Variants in CLMN observed in about 807,000 individuals in gnomAD.
CLMN encodes the protein calmin.
CLMN carries 57 observed loss-of-function variants against 92.7 expected under a neutral mutation model. The observed-to-expected ratio is 0.61, with a 90% CI of 0.50 to 0.77. CLMN has a LOEUF of 0.77. Among genes scored for constraint, CLMN ranks in the 30% least tolerant of loss-of-function variants. CLMN has a pLI of 0.00. For synonymous variants in CLMN, 466 were observed against 470.6 expected (o/e 0.99, Z 0.13); for missense variants, 1,158 against 1,237.5 (o/e 0.94, Z 0.96).
chr14:95,231,577 C>T (rs1451129318), intron 1 of CLMN, among the ~76,000 whole-genome samples: 1 of 152,172 alleles, frequency 6.6e-6, no homozygotes, highest in Non-Finnish European at 1.5e-5. Context: ...CAAAACTGGT[C>T]CCTGGTGCCA....
At chr14:95,292,434 A>ACCCCCT (rs1266313814) in intron 1 of CLMN, among the ~76,000 whole-genome samples, 1 of 50,454 alleles carries the variant, frequency 2.0e-5, no homozygotes, top group African/African-American at 7.4e-5. Context: ...AGGGTCCCCC[A>ACCCCCT]CCCCCACCCC....
At chr14:95,303,835 A>G (rs571019610) in intron 1 of CLMN, among the ~76,000 whole-genome samples, 1 of 152,340 alleles carries the variant, frequency 6.6e-6, no homozygotes, top group East Asian at 1.9e-4. Context: ...TTTCTCAGAG[A>G]TGAGGACGGA....
At chr14:95,302,008 C>T (rs544359173) in intron 1 of CLMN, among the ~76,000 whole-genome samples, 13 of 152,290 alleles carry the variant, frequency 8.5e-5, no homozygotes, top group Middle Eastern at 3.4e-3. Flanking sequence ...GAGCTATGGT[C>T]GTGCCATGAA....
intron 1 of CLMN, among the ~76,000 whole-genome samples, chr14:95,292,013 A>T (rs1328612541): frequency 2.0e-5 from 3 of 152,264 alleles, no homozygotes; most frequent in South Asian, 4.1e-4. Flanking sequence ...CACTGTGCCA[A>T]GGGTTGACGT....
chr14:95,317,538 G>T lies in CLMN; in HGVS notation c.82+2173C>A, dbSNP rs375933289. Among the ~76,000 whole-genome samples, 17 of 150,708 alleles carry T rather than the reference G, an allele frequency of 1.1e-4. No homozygotes were observed. The East Asian group carries it at 3.3e-3, about 30-fold the overall frequency. ...CATCCATACCATGGAATAGTACTCAGCAAGAAAGGAAGTCCAGATACAGGC... is the reference window on the plus strand; with the variant it reads ...CATCCATACCATGGAATAGTACTCATCAAGAAAGGAAGTCCAGATACAGGC... On this transcript the variant is annotated intron_variant, in intron 1 of 12. Transcript: ENST00000298912.
chr14:95,206,000 A>C (rs1002162834), intron 8 of CLMN, among the ~76,000 whole-genome samples: 6 of 152,228 alleles, frequency 3.9e-5, no homozygotes, highest in African/African-American at 1.2e-4. Flanking sequence ...TAAATGACAG[A>C]GTTTGTCAGA....
intron 1 of CLMN, among the ~76,000 whole-genome samples, chr14:95,277,569 T>C (rs546965213): frequency 1.1e-4 from 16 of 152,360 alleles, no homozygotes; most frequent in Admixed American, 9.8e-4. Flanking sequence ...GGGAGGTCAA[T>C]GGAGACTGCC....
At chr14:95,292,160 C>G (rs909680363) in intron 1 of CLMN, among the ~76,000 whole-genome samples, 2 of 152,102 alleles carry the variant, frequency 1.3e-5, no homozygotes, top group African/African-American at 4.8e-5. Context: ...CCTTAACACC[C>G]TCTACACCAT....
Position 95,265,346 on chromosome 14 carries a change from T to A in CLMN, c.83-35213A>T, listed in dbSNP as rs537920091. Among the ~76,000 whole-genome samples the A allele has an allele frequency of 2.0e-5, 3 of 152,284 alleles. No homozygotes were observed. The East Asian group carries it at 5.8e-4, about 29-fold the overall frequency. On this transcript the variant is annotated intron_variant, in intron 1 of 12. Transcript: ENST00000298912. ...TAAAGCCTTAACACAAAGCGTGACC[T>A]CCTCTGAGCAAGAAGGAATTCTGCC...
At chr14:95,199,352 TA>T (rs950143641) in intron 9 of CLMN, 1 of 152,180 alleles carries the variant, frequency 6.6e-6, no homozygotes, top group African/African-American at 2.4e-5. Flanking sequence ...AACTTAAACT[TA>T]AAAAAGACTA....
chr14:95,269,713 G>T lies in CLMN; in HGVS notation c.83-39580C>A, dbSNP rs767753768. On this transcript the variant is annotated intron_variant, in intron 1 of 12. Transcript: ENST00000298912. ...TGACCCCAGCTGCCTGGCACCAAAG[G>T]CTCCCACTGGCCCCCACAGCATGGA... Among the ~76,000 whole-genome samples the T allele has an allele frequency of 5.1e-4, 77 of 152,304 alleles. 1 individual carries two copies. The highest frequency in any genetic ancestry group is 1.0e-3 in the Non-Finnish European group (70 of 68,024).
chr14:95,218,001 ATT>A (rs1329476303), intron 4 of CLMN, among the ~76,000 whole-genome samples: 1 of 152,182 alleles, frequency 6.6e-6, no homozygotes, highest in Non-Finnish European at 1.5e-5. Context: ...CCCAGCTACC[ATT>A]TTGTTTTTGG....
intron 1 of CLMN, among the ~76,000 whole-genome samples, chr14:95,253,864 T>C (rs1033189481): frequency 2.6e-5 from 4 of 152,132 alleles, no homozygotes; most frequent in African/African-American, 9.7e-5. Context: ...TCCGCCCGCC[T>C]CGGCCTCTCA....
chr14:95,310,610 C>T (rs1442493855), intron 1 of CLMN, among the ~76,000 whole-genome samples: 1 of 152,222 alleles, frequency 6.6e-6, no homozygotes, highest in Non-Finnish European at 1.5e-5. Context: ...ATGTTAGGGG[C>T]TGGCAGGACA....
At position 95,203,848 on chromosome 14, in the gene CLMN, T is replaced by C. The variant is rs997581275; in HGVS notation, c.1501A>G (p.Asn501Asp). The change falls in exon 9 of 13, where the codon AAT (asparagine) becomes GAT (aspartate). Residue 501 changes from asparagine (N) to aspartate (D), a missense_variant. Transcript: ENST00000298912. ...GDIFLVEGTNNNSQSSSCNGA... is the reference protein window; with the variant it reads ...GDIFLVEGTNDNSQSSSCNGA... ...TTACAGGAAGAAGACTGAGAATTATTGTTTGTGCCCTCCACCAAAAAAATG... is the reference window on the plus strand; with the variant it reads ...TTACAGGAAGAAGACTGAGAATTATCGTTTGTGCCCTCCACCAAAAAAATG... The C allele has an allele frequency of 3.7e-5, 60 of 1,614,066 alleles. No individual in the cohort carries two copies. Among genetic ancestry groups the C allele is most frequent in the Non-Finnish European group, 5.0e-5 (59 of 1,180,044 alleles).
intron 8 of CLMN, among the ~76,000 whole-genome samples, chr14:95,208,543 A>T (rs1163832619): frequency 6.6e-6 from 1 of 152,248 alleles, no homozygotes; most frequent in Non-Finnish European, 1.5e-5. Context: ...TCCATCTGAC[A>T]TGTAAAAAAT....
intron 1 of CLMN, among the ~76,000 whole-genome samples, chr14:95,237,261 G>A (rs1054595062): frequency 2.0e-5 from 3 of 152,234 alleles, no homozygotes; most frequent in Non-Finnish European, 2.9e-5. Flanking sequence ...GCAGATGGGC[G>A]GAGTGCCTTT....
In CLMN at chr14:95,259,527, C is replaced by T. The variant is rs1179796628; in HGVS notation, c.83-29394G>A. Among the ~76,000 whole-genome samples, 1 of 152,182 alleles carries T rather than the reference C, an allele frequency of 6.6e-6. No homozygotes were observed. Among genetic ancestry groups the T allele is most frequent in the African/African-American group, 2.4e-5 (1 of 41,430 alleles). On this transcript the variant is annotated intron_variant, in intron 1 of 12. Coordinates refer to ENST00000298912, the MANE Select transcript of CLMN (RefSeq NM_024734.4). This position sits in a 1 kb window ranked among gnomAD's most constrained non-coding sequence, Gnocchi z 4.3. Reference sequence around the variant, plus strand: ...AACATCTGGGAGGAAACGAGACAGGCTGTAGTTCCCACAGAGCTGCTGGGA... The same window carrying T: ...AACATCTGGGAGGAAACGAGACAGGTTGTAGTTCCCACAGAGCTGCTGGGA...
chr14:95,261,665 T>C (rs1340212735), intron 1 of CLMN, among the ~76,000 whole-genome samples: 2 of 152,188 alleles, frequency 1.3e-5, no homozygotes, highest in Non-Finnish European at 2.9e-5. Flanking sequence ...GACCTGTGCC[T>C]CTGCATTGCG....
Sources: allele counts gnomAD v4.1 joint callset (sites outside exome capture counted in the v4.1 genomes callset), GRCh38; gene constraint gnomAD v4.1.1; non-coding constraint Gnocchi (gnomAD v3.1); transcripts MANE v1.5; gene names NCBI Gene and HGNC (gene_info 2026-07-23, HGNC 2026-07-21).